Variants in PTPRD observed in about 807,000 individuals in gnomAD.
PTPRD encodes the protein protein tyrosine phosphatase receptor type D.
Under a neutral mutation model 214.5 loss-of-function variants are expected in PTPRD, and 34 were observed. The ratio of observed to expected loss-of-function variants is 0.16; its 90% confidence interval spans 0.12 to 0.21. The LOEUF is 0.21. PTPRD is among the 10% of genes least tolerant of loss of function. The pLI, the probability that PTPRD is intolerant of heterozygous loss-of-function variation, is 1.00. For missense variants in PTPRD, 2,545 were observed against 2,398.7 expected, an observed-to-expected ratio of 1.06 and a Z score of -1.27; for synonymous variants, 1,128 against 845.7, an observed-to-expected ratio of 1.33 and a Z score of -5.79.
At chr9:9,799,860 C>G (rs1032776691) in intron 5 of PTPRD, among the ~76,000 whole-genome samples, 17 of 151,930 alleles carry the variant, frequency 1.1e-4, no homozygotes, top group Non-Finnish European at 2.5e-4. Flanking sequence ...AGGTGGAGAG[C>G]TTTCTTTTTG....
chr9:10,364,965 A>G (rs2097486211), intron 2 of PTPRD, among the ~76,000 whole-genome samples: 2 of 152,216 alleles, frequency 1.3e-5, no homozygotes, highest in Non-Finnish European at 2.9e-5. Flanking sequence ...TAAGCCAATA[A>G]GCGCTGTGCT....
chr9:9,043,220 T>A (rs1476321228), intron 10 of PTPRD, among the ~76,000 whole-genome samples: 2 of 152,186 alleles, frequency 1.3e-5, no homozygotes, highest in Non-Finnish European at 2.9e-5. Flanking sequence ...TCTGTGTTGT[T>A]GGAAAACTTA....
At chr9:10,457,061 C>T (rs1289331159) in intron 2 of PTPRD, among the ~76,000 whole-genome samples, 1 of 151,756 alleles carries the variant, frequency 6.6e-6, no homozygotes, top group Non-Finnish European at 1.5e-5. Flanking sequence ...GTATATTATA[C>T]ACATCTCATT....
At chr9:10,082,407 T>C (rs149721895) in intron 3 of PTPRD, among the ~76,000 whole-genome samples, 1 of 152,208 alleles carries the variant, frequency 6.6e-6, no homozygotes, top group African/African-American at 2.4e-5. Context: ...TGCTTTGACA[T>C]TGACAAGGCG....
intron 11 of PTPRD, among the ~76,000 whole-genome samples, chr9:8,792,949 T>C (rs2096283488): frequency 1.3e-5 from 2 of 152,290 alleles, no homozygotes; most frequent in East Asian, 3.9e-4. Context: ...TCATTTAAGA[T>C]CTTTACATTT....
At chr9:8,496,171 A>AAC (rs566859758) in intron 26 of PTPRD, among the ~76,000 whole-genome samples, 4,530 of 135,042 alleles carry the variant, frequency 0.034, 66 homozygotes, top group East Asian at 0.072. Context: ...CCAACTCTCC[A>AAC]ACACACACAC....
intron 45 of PTPRD, among the ~76,000 whole-genome samples, 158 bp from the exon 46 acceptor site, chr9:8,318,100 G>A (rs1272725419): frequency 6.6e-6 from 1 of 152,002 alleles, no homozygotes; most frequent in African/African-American, 2.4e-5. Context: ...ATTGTTTATA[G>A]TGAACAAAGA....
intron 11 of PTPRD, among the ~76,000 whole-genome samples, chr9:8,838,893 C>CATA (rs2097498263): frequency 6.6e-6 from 1 of 151,708 alleles, no homozygotes; most frequent in Admixed American, 6.6e-5. Context: ...TAATTCTAAA[C>CATA]ATAAAATGAA....
chr9:9,183,701 C>CT (rs1170442645), intron 9 of PTPRD, among the ~76,000 whole-genome samples: 2 of 151,950 alleles, frequency 1.3e-5, no homozygotes, highest in Non-Finnish European at 2.9e-5. Context: ...CAGTAAACAT[C>CT]TTGGTTTGTT....
chr9:9,073,171 A>G (rs2099746315), intron 10 of PTPRD, among the ~76,000 whole-genome samples: 1 of 152,220 alleles, frequency 6.6e-6, no homozygotes, highest in Non-Finnish European at 1.5e-5. Flanking sequence ...AACCACCCAG[A>G]ATCTAACTTG....
intron 3 of PTPRD, among the ~76,000 whole-genome samples, chr9:10,314,668 G>C (rs2096372608): frequency 1.3e-5 from 2 of 151,834 alleles, no homozygotes. Context: ...AGAGATAATA[G>C]ATGATACAGA....
At chr9:9,540,085 C>T (rs190587515) in intron 8 of PTPRD, among the ~76,000 whole-genome samples, 70 of 151,870 alleles carry the variant, frequency 4.6e-4, no homozygotes, top group African/African-American at 1.4e-3. Flanking sequence ...ACAAAGAAAT[C>T]CACTAAGTTA....
intron 2 of PTPRD, among the ~76,000 whole-genome samples, chr9:10,577,453 A>G (rs1458482033): frequency 1.3e-5 from 2 of 152,174 alleles, no homozygotes; most frequent in Non-Finnish European, 2.9e-5. Flanking sequence ...TAAAACCTCC[A>G]ACTGATATTG....
At chr9:8,952,087 C>G (rs1364995463) in intron 11 of PTPRD, among the ~76,000 whole-genome samples, 1 of 151,908 alleles carries the variant, frequency 6.6e-6, no homozygotes, top group Non-Finnish European at 1.5e-5. Context: ...CCTTATTTCT[C>G]TCTGATTAAT....
At chr9:8,891,390 C>T (rs1449780131) in intron 11 of PTPRD, among the ~76,000 whole-genome samples, 1 of 151,864 alleles carries the variant, frequency 6.6e-6, no homozygotes, top group Non-Finnish European at 1.5e-5. Flanking sequence ...CCTCGGCCTC[C>T]CAAAGTGCTG....
At chr9:10,113,398 C>A (rs2098706883) in intron 3 of PTPRD, among the ~76,000 whole-genome samples, 1 of 152,196 alleles carries the variant, frequency 6.6e-6, no homozygotes, top group Non-Finnish European at 1.5e-5. Flanking sequence ...CCACACCGTG[C>A]TTCCTCTGCA....
At chr9:10,349,538 T>C (rs1220115601) in intron 2 of PTPRD, among the ~76,000 whole-genome samples, 1 of 152,166 alleles carries the variant, frequency 6.6e-6, no homozygotes, top group Non-Finnish European at 1.5e-5. Flanking sequence ...TTTGATGTCC[T>C]GTGGATTTGT....
chr9:8,846,467 T>C (rs1015892295), intron 11 of PTPRD, among the ~76,000 whole-genome samples: 1 of 152,222 alleles, frequency 6.6e-6, no homozygotes, highest in African/African-American at 2.4e-5. Context: ...TGCATTATGA[T>C]AGACACTATA....
intron 8 of PTPRD, among the ~76,000 whole-genome samples, chr9:9,445,638 C>T (rs1332173520): frequency 1.3e-5 from 2 of 152,116 alleles, no homozygotes; most frequent in Non-Finnish European, 2.9e-5. Flanking sequence ...CTTATCAAAT[C>T]ATCAGATCTC....
Sources: allele counts gnomAD v4.1 joint callset (sites outside exome capture counted in the v4.1 genomes callset), GRCh38; gene constraint gnomAD v4.1.1; transcripts MANE v1.5; gene names NCBI Gene and HGNC (gene_info 2026-07-23, HGNC 2026-07-21).